The following SOAT1 variants were observed in gnomAD, a reference collection of about 807,000 sequenced individuals.
The protein encoded by SOAT1 is acyl-coenzyme A:cholesterol acyltransferase 1.
A neutral mutation model predicts 69.5 loss-of-function variants in SOAT1; 55 were observed. The ratio of observed to expected loss-of-function variants is 0.79; its 90% CI spans 0.64 to 0.99. The LOEUF (loss-of-function observed/expected upper bound fraction) is 0.99. Ranked by LOEUF, SOAT1 falls within the 50% of genes least tolerant of loss-of-function variation. The pLI is 0.00. For synonymous variants in SOAT1, 231 were observed against 224.7 expected (o/e 1.03, Z -0.25); for missense variants, 580 against 669.3 (o/e 0.87, Z 1.47).
At chr1:179,302,983 A>T (rs1388237567) in intron 2 of SOAT1, among the ~76,000 whole-genome samples, 181 bp downstream of exon 2, 2 of 152,224 alleles carry the variant, frequency 1.3e-5, no homozygotes, top group East Asian at 3.8e-4. Flanking sequence ...TTTGGTGGTC[A>T]TCTATTGGTA....
At chr1:179,335,836 A>T (rs913169293) in intron 4 of SOAT1, among the ~76,000 whole-genome samples, 179 bp downstream of exon 4, 3 of 152,194 alleles carry the variant, frequency 2.0e-5, no homozygotes, top group Admixed American at 6.6e-5. Flanking sequence ...TTGTCTTTAC[A>T]TATAAATTAT....
intron 2 of SOAT1, among the ~76,000 whole-genome samples, chr1:179,313,548 A>ATG (rs745676680): frequency 2.1e-5 from 3 of 139,596 alleles, no homozygotes; most frequent in African/African-American, 8.0e-5. Context: ...GTGTGTATAT[A>ATG]TGTGTATATA....
intron 11 of SOAT1, among the ~76,000 whole-genome samples, chr1:179,345,547 C>T (rs1666499759): frequency 6.6e-6 from 1 of 151,822 alleles, no homozygotes; most frequent in Non-Finnish European, 1.5e-5. Flanking sequence ...TTTTAAATCT[C>T]TCTTGTCACT....
In SOAT1 at chr1:179,297,614, C is replaced by T. The variant is rs538944891; in HGVS notation, c.-9+3678C>T. Among the ~76,000 whole-genome samples the T allele has an allele frequency of 1.3e-4, 20 of 150,298 alleles. No homozygotes were observed. The South Asian group carries it at 3.4e-3, about 26-fold the overall frequency. On this transcript the variant is annotated intron_variant, in intron 1 of 15. Transcript: ENST00000367619. ...CCTCCCAAAGTGCTGGGATTACAGGCGTGAGCCGGTGCGCTTGTTTAAGAA... is the reference window on the plus strand; with the variant it reads ...CCTCCCAAAGTGCTGGGATTACAGGTGTGAGCCGGTGCGCTTGTTTAAGAA...
intron 3 of SOAT1, among the ~76,000 whole-genome samples, chr1:179,327,628 G>A (rs1381927982): frequency 1.3e-5 from 2 of 152,100 alleles, no homozygotes; most frequent in Non-Finnish European, 1.5e-5. Context: ...AGACTAAAAC[G>A]TTATTTATCT....
At position 179,347,782 on chromosome 1, in the gene SOAT1, C is replaced by G. The variant is rs1238911838; in HGVS notation, c.1215+85C>G. 2.1e-5 allele frequency: 16 copies of G among 769,760 alleles called. 1 individual carries two copies. The Admixed American group carries it at 4.3e-4, about 21-fold the overall frequency. The allele number at this position is 769,760 out of a possible 1,614,324, so 47.7% of individuals were successfully genotyped here. On this transcript the variant is annotated intron_variant, in intron 12 of 15. Coordinates refer to ENST00000367619, the MANE Select transcript of SOAT1 (RefSeq NM_003101.6). ...ATTTTGACATTGTTGGCTAATGTCA[C>G]CAGCCTTTCACACAAACATTGTGAA...
At chr1:179,318,050 C>G (rs977771474) in intron 2 of SOAT1, among the ~76,000 whole-genome samples, 1 of 151,900 alleles carries the variant, frequency 6.6e-6, no homozygotes, top group Non-Finnish European at 1.5e-5. Context: ...AAAAAATTAG[C>G]TGGGTGTGGT....
At chr1:179,302,394 G>C (rs1367300372) in intron 1 of SOAT1, among the ~76,000 whole-genome samples, 1 of 152,120 alleles carries the variant, frequency 6.6e-6, no homozygotes, top group African/African-American at 2.4e-5. Context: ...GGATCATGGG[G>C]GCAGTTTCCC....
At chr1:179,340,326 T>A (rs1230811158) in intron 6 of SOAT1, among the ~76,000 whole-genome samples, 1 of 151,878 alleles carries the variant, frequency 6.6e-6, no homozygotes, top group Non-Finnish European at 1.5e-5. Flanking sequence ...TACAAAAAAT[T>A]TAAAAATTAG....
intron 2 of SOAT1, among the ~76,000 whole-genome samples, chr1:179,319,953 A>T (rs932575716): frequency 6.6e-6 from 1 of 151,692 alleles, no homozygotes; most frequent in African/African-American, 2.4e-5. Flanking sequence ...AGAGTTCTTT[A>T]TGTATTCTGG....
intron 3 of SOAT1, among the ~76,000 whole-genome samples, chr1:179,334,970 G>A (rs148969804): frequency 0.018 from 2,584 of 142,768 alleles, 80 homozygotes; most frequent in African/African-American, 0.063. Flanking sequence ...AGCCGAGATC[G>A]TGCCATTGCA....
Position 179,339,527 on chromosome 1 carries a change from A to G in SOAT1, c.479A>G (p.Asp160Gly), listed in dbSNP as rs760443408. 5 of 1,607,338 alleles carry G rather than the reference A, an allele frequency of 3.1e-6. No homozygotes were observed. The highest frequency in any genetic ancestry group is 4.3e-6 in the Non-Finnish European group (5 of 1,176,034). ...ILFILSTLVV[D>G]YIDEGRLVLE... ...TTTATCCTCAGCACACTTGTAGTAG[A>G]TTACATTGATGAAGGAAGGTAAGAC... is the stretch of plus-strand genomic sequence containing the variant. The change falls in exon 6 of 16, where the codon GAT (aspartate) becomes GGT (glycine). Residue 160 changes from aspartate to glycine, a missense_variant. Coordinates refer to ENST00000367619, the MANE Select transcript of SOAT1 (RefSeq NM_003101.6).
chr1:179,301,085 CCTT>C (rs1664817831), intron 1 of SOAT1, among the ~76,000 whole-genome samples: 1 of 152,182 alleles, frequency 6.6e-6, no homozygotes, highest in Non-Finnish European at 1.5e-5. Context: ...AAGCGATACT[CCTT>C]CTCAATAAAT....
rs762911049 is a variant in SOAT1 at position 179,344,352 on chromosome 1, G to GTTTTTTTT, written c.988-595_988-594insTTTTTTTT. Among the ~76,000 whole-genome samples, 78 of 120,556 alleles carry GTTTTTTTT rather than the reference G, an allele frequency of 6.5e-4. 26 individuals are homozygous for GTTTTTTTT. Among genetic ancestry groups the GTTTTTTTT allele is most frequent in the African/African-American group, 1.2e-3 (39 of 33,314 alleles). 79.1% of individuals were successfully genotyped at this position (120,556 alleles called of 152,430 possible). ...TATGAAGTAAGTTCTTTCATTAAGG[G>GTTTTTTTT]GTTTTTTTTTTTTTTTTTTTTTTTT... On this transcript the variant is annotated intron_variant, in intron 10 of 15. Coordinates refer to ENST00000367619, the MANE Select transcript of SOAT1 (RefSeq NM_003101.6).
intron 1 of SOAT1, among the ~76,000 whole-genome samples, chr1:179,298,293 C>G (rs902084184): frequency 4.6e-5 from 7 of 151,750 alleles, no homozygotes; most frequent in Non-Finnish European, 8.8e-5. Context: ...CCGTGCTAGG[C>G]TAGCCAGGAT....
intron 11 of SOAT1, 113 bp downstream of exon 11, chr1:179,345,189 C>A: frequency 2.0e-6 from 2 of 976,188 alleles, no homozygotes. Flanking sequence ...TTCTATACAT[C>A]TATGCCCATC....
intron 2 of SOAT1, among the ~76,000 whole-genome samples, chr1:179,308,412 C>G (rs1269329877): frequency 4.6e-5 from 7 of 152,004 alleles, no homozygotes; most frequent in Admixed American, 4.6e-4. Flanking sequence ...TGGCTCACTC[C>G]TGTAATCCCA....
chr1:179,336,846 T>G (rs977672010), intron 4 of SOAT1, among the ~76,000 whole-genome samples: 2 of 151,984 alleles, frequency 1.3e-5, no homozygotes, highest in African/African-American at 2.4e-5. Flanking sequence ...AATACAAAAA[T>G]TAGCCGGGTG....
At chr1:179,298,138 G>A (rs1209169141) in intron 1 of SOAT1, among the ~76,000 whole-genome samples, 3 of 109,854 alleles carry the variant, frequency 2.7e-5, no homozygotes, top group African/African-American at 1.0e-4. Context: ...TAACTTGAGT[G>A]CAATGGTGTG....
Sources: gnomAD v4.1 joint callset for allele counts (sites outside exome capture counted in the v4.1 genomes callset) on GRCh38, gnomAD v4.1.1 for gene constraint, MANE v1.5 for transcripts, NCBI Gene and HGNC (gene_info 2026-07-23, HGNC 2026-07-21) for gene names.